The following UTS2B variants were observed in gnomAD, a reference collection of about 807,000 sequenced individuals.
UTS2B encodes the protein urotensin-2B.
UTS2B carries 21 observed loss-of-function variants against 19.2 expected under a neutral mutation model. The ratio of observed to expected loss-of-function variants is 1.09; its 90% CI spans 0.78 to 1.58. The LOEUF is 1.58. Among genes scored for constraint, UTS2B ranks in the 40% most tolerant of loss-of-function variants. The pLI is 0.00. For synonymous variants in UTS2B, 57 were observed against 50.2 expected (o/e 1.14, Z -0.58); for missense variants, 138 against 130.3 (o/e 1.06, Z -0.29).
Position 191,309,322 on chromosome 3 carries a change from T to C in UTS2B, c.-181-4774A>G, listed in dbSNP as rs560171294. Among the ~76,000 whole-genome samples, 16 of 151,908 alleles carry C rather than the reference T, an allele frequency of 1.1e-4. No homozygotes were observed. In the South Asian group the frequency reaches 3.1e-3, roughly 30 times the overall value. On this transcript the variant is annotated intron_variant, in intron 3 of 8. Transcript: ENST00000340524. Reference sequence around the variant, plus strand: ...GACTACAGGCGCCTACCACCACGCCTGGCTAAGTTTTTGGTTTTTCTTTTT... The same window carrying C: ...GACTACAGGCGCCTACCACCACGCCCGGCTAAGTTTTTGGTTTTTCTTTTT...
At chr3:191,300,757 T>A (rs1455726056) in intron 4 of UTS2B, among the ~76,000 whole-genome samples, 1 of 152,190 alleles carries the variant, frequency 6.6e-6, no homozygotes, top group Non-Finnish European at 1.5e-5. Context: ...CATCTGGTTG[T>A]TTAAAAGTGT....
chr3:191,326,535 A>T (rs1386248524), intron 2 of UTS2B, among the ~76,000 whole-genome samples: 1 of 152,216 alleles, frequency 6.6e-6, no homozygotes, highest in Admixed American at 6.5e-5. Flanking sequence ...ATATTGCCTT[A>T]TAAATAAAAT....
chr3:191,278,689 T>C (rs577658238), intron 5 of UTS2B, among the ~76,000 whole-genome samples: 1 of 152,016 alleles, frequency 6.6e-6, no homozygotes, highest in Non-Finnish European at 1.5e-5. Context: ...TCTTCCGTAT[T>C]AACATCTTTT....
At chr3:191,344,718 A>G in the UTS2B span, among the ~76,000 whole-genome samples, 6 of 152,136 alleles carry the variant, frequency 3.9e-5, no homozygotes, top group East Asian at 1.2e-3. Flanking sequence ...AGCTGGGACT[A>G]CAGGCACATA....
At chr3:191,317,822 T>A (rs1373568242) in intron 2 of UTS2B, among the ~76,000 whole-genome samples, 1 of 152,194 alleles carries the variant, frequency 6.6e-6, no homozygotes, top group Admixed American at 6.5e-5. Flanking sequence ...TCAGGCAATC[T>A]GCTCAGCTCA....
Position 191,282,242 on chromosome 3 carries a change from G to T in UTS2B, c.-53C>A. 1 of 1,372,740 alleles carries T rather than the reference G, an allele frequency of 7.3e-7. No homozygotes were observed. Among genetic ancestry groups the T allele is most frequent in the South Asian group, 1.2e-5 (1 of 80,230 alleles). The allele number at this position is 1,372,740 out of a possible 1,614,324, so 85.0% of individuals were successfully genotyped here. ...AGAAACAGACTTTCCAGGTCAAGAT[G>T]GATATTTCTATAGCTTTGGAATTCA... On this transcript the variant is annotated 5_prime_UTR_variant, in exon 5 of 9. Coordinates refer to ENST00000340524, the MANE Select transcript of UTS2B (RefSeq NM_198152.5).
intron 4 of UTS2B, among the ~76,000 whole-genome samples, chr3:191,287,947 CAGG>C: frequency 6.6e-6 from 1 of 152,074 alleles, no homozygotes; most frequent in South Asian, 2.1e-4. Flanking sequence ...ATTAAAGTTG[CAGG>C]ATACAAAATC....
At chr3:191,299,073 T>C (rs1486489298) in intron 4 of UTS2B, among the ~76,000 whole-genome samples, 2 of 152,186 alleles carry the variant, frequency 1.3e-5, no homozygotes, top group African/African-American at 4.8e-5. Context: ...TATGCTCCTA[T>C]GCAGGAGCAA....
chr3:191,274,435 A>AT (rs998604686), intron 8 of UTS2B, among the ~76,000 whole-genome samples: 8 of 152,182 alleles, frequency 5.3e-5, no homozygotes, highest in African/African-American at 1.9e-4. Context: ...CATTATCCGC[A>AT]TTTTTAGGCA....
intron 6 of UTS2B, 64 bp downstream of exon 6, chr3:191,278,008 A>G: frequency 1.3e-6 from 1 of 787,440 alleles, no homozygotes; most frequent in Non-Finnish European, 2.0e-6. Context: ...AGAAAAAGCA[A>G]GTCTCAAGAC....
intron 4 of UTS2B, among the ~76,000 whole-genome samples, chr3:191,287,004 C>CAA (rs34046617): frequency 6.6e-6 from 1 of 151,130 alleles, no homozygotes; most frequent in Non-Finnish European, 1.5e-5. Context: ...TGAATAACTT[C>CAA]AAAAAAAATG....
chr3:191,329,945 G>C (rs1483330710), intron 1 of UTS2B, among the ~76,000 whole-genome samples: 28 of 61,942 alleles, frequency 4.5e-4, no homozygotes, highest in African/African-American at 3.3e-3. Flanking sequence ...GGGTGGTTGG[G>C]GGGGGGGGGG....
chr3:191,295,677 A>C (rs1354642694), intron 4 of UTS2B, among the ~76,000 whole-genome samples: 1 of 151,980 alleles, frequency 6.6e-6, no homozygotes, highest in Admixed American at 6.5e-5. Context: ...TCACAAACTG[A>C]ACTACTCATC....
chr3:191,279,055 A>C (rs1427536886), intron 5 of UTS2B, among the ~76,000 whole-genome samples: 2 of 152,066 alleles, frequency 1.3e-5, no homozygotes, highest in African/African-American at 2.4e-5. Flanking sequence ...ATGGCTTATA[A>C]GTTGACTGGA....
rs1305841447 is a variant in UTS2B, at chr3:191,307,585, G to A, written c.-181-3037C>T. 3.3e-5 allele frequency among the ~76,000 whole-genome samples: 5 copies of A among 152,142 alleles called. No homozygotes were observed. The East Asian group carries it at 9.7e-4, about 29-fold the overall frequency. ...TAAGAGATCAGTTCATGATGGGTAG[G>A]ACGTTCAGAGGATTCTCTCTGGCTT... is the stretch of plus-strand genomic sequence containing the variant. On this transcript the variant is annotated intron_variant, in intron 3 of 8. Transcript: ENST00000340524.
the UTS2B span, among the ~76,000 whole-genome samples, chr3:191,344,313 T>G: frequency 5.9e-5 from 9 of 152,374 alleles, no homozygotes; most frequent in African/African-American, 2.2e-4. Flanking sequence ...ACAACTGTGA[T>G]GATGCAAACG....
At chr3:191,285,957 T>A (rs1361159067) in intron 4 of UTS2B, among the ~76,000 whole-genome samples, 11 of 152,034 alleles carry the variant, frequency 7.2e-5, no homozygotes, top group Non-Finnish European at 1.6e-4. Flanking sequence ...TGCAAATGAA[T>A]AACAAAATAA....
intron 5 of UTS2B, 34 bp downstream of exon 5, chr3:191,282,053 C>A (rs1716401434): frequency 2.1e-6 from 3 of 1,420,112 alleles, no homozygotes; most frequent in South Asian, 2.4e-5. Context: ...AATTACTTAC[C>A]CACCTGTAGG....
intron 4 of UTS2B, among the ~76,000 whole-genome samples, chr3:191,290,161 A>G (rs1238438379): frequency 2.6e-5 from 4 of 152,324 alleles, no homozygotes; most frequent in East Asian, 1.9e-4. Context: ...AAAAGTCTGC[A>G]AAGATCTTTA....
Sources: allele counts gnomAD v4.1 joint callset (sites outside exome capture counted in the v4.1 genomes callset), GRCh38; gene constraint gnomAD v4.1.1; transcripts MANE v1.5; gene names NCBI Gene and HGNC (gene_info 2026-07-23, HGNC 2026-07-21).